Variants in SHANK2 observed in about 807,000 individuals in gnomAD.
The protein encoded by SHANK2 is SH3 and multiple ankyrin repeat domains 2.
A neutral mutation model predicts 133.7 loss-of-function variants in SHANK2; 43 were observed. The observed-to-expected ratio is 0.32, with a 90% CI of 0.25 to 0.41. SHANK2 has a LOEUF of 0.41. Among genes scored for constraint, SHANK2 ranks in the 10% least tolerant of loss-of-function variants. SHANK2 has a pLI of 1.00. For missense variants in SHANK2, 1,994 were observed against 2,235.8 expected, an observed-to-expected ratio of 0.89 and a Z score of 2.18; for synonymous variants, 1,017 against 952.8, an observed-to-expected ratio of 1.07 and a Z score of -1.24.
At position 70,502,747 on chromosome 11, in the gene SHANK2, C is replaced by CA. The variant is rs58352428; in HGVS notation, c.2197+48_2197+49insT. On this transcript the variant is annotated intron_variant, in intron 18 of 25. Coordinates refer to ENST00000601538, the MANE Select transcript of SHANK2 (RefSeq NM_012309.5). ...AGCTGTCCTGCCCGCCCCCACCCCCCCCCCCCAGTAGGGCCCCAGGCTGGA... is the reference window on the plus strand; with the variant it reads ...AGCTGTCCTGCCCGCCCCCACCCCCCACCCCCCAGTAGGGCCCCAGGCTGGA... The CA allele has an allele frequency of 1.9e-5, 17 of 907,668 alleles. 1 individual carries two copies. The highest frequency in any genetic ancestry group is 6.5e-5 in the South Asian group (4 of 61,810). The allele number at this position is 907,668 out of a possible 1,614,324, so 56.2% of individuals were successfully genotyped here. A position where few individuals can be genotyped will look rare whatever the true frequency, so the allele number is the denominator to read the frequency against.
chr11:70,530,706 G>C (rs559373307), intron 17 of SHANK2, among the ~76,000 whole-genome samples: 1 of 152,286 alleles, frequency 6.6e-6, no homozygotes, highest in African/African-American at 2.4e-5. Context: ...ACAGAAAGTA[G>C]AACAGTGGGT....
At position 70,830,156 on chromosome 11, in the gene SHANK2, C is replaced by A. The variant is rs557026569; in HGVS notation, c.1175-9474G>T. Among the ~76,000 whole-genome samples, 3 of 152,302 alleles carry A rather than the reference C, an allele frequency of 2.0e-5. No homozygotes were observed. The South Asian group carries it at 6.2e-4, about 32-fold the overall frequency. On this transcript the variant is annotated intron_variant, in intron 11 of 25. Transcript: ENST00000601538. This position sits in a 1 kb window ranked among gnomAD's most constrained non-coding sequence, Gnocchi z 4.4. ...GCAAACCTTTGTGCAGCCTCCAGGGCAGTTTTCATCTGGTGTCCCCATCCC... is the reference window on the plus strand; with the variant it reads ...GCAAACCTTTGTGCAGCCTCCAGGGAAGTTTTCATCTGGTGTCCCCATCCC...
rs1954396920 is a variant in SHANK2, at chr11:71,215,661, G to C, written c.-13+9036C>G. 3.9e-5 allele frequency among the ~76,000 whole-genome samples: 6 copies of C among 151,974 alleles called. No homozygotes were observed. In the South Asian group the frequency reaches 1.3e-3, roughly 32 times the overall value. The stretch of plus-strand genomic sequence containing the variant: ...CCGTGGCACAGTGGCTCCCACTCAG[G>C]GCCCTGCTAATGTCCTCGGACATCC... On this transcript the variant is annotated intron_variant, in intron 2 of 25. Coordinates refer to ENST00000601538, the MANE Select transcript of SHANK2 (RefSeq NM_012309.5).
chr11:70,640,592 G>A (rs548837211), intron 17 of SHANK2, among the ~76,000 whole-genome samples: 3 of 152,374 alleles, frequency 2.0e-5, no homozygotes, highest in East Asian at 1.9e-4. Context: ...AGGACTGCAC[G>A]AAGCTGAGGC....
intron 1 of SHANK2, among the ~76,000 whole-genome samples, chr11:71,250,364 C>T (rs1948158371): frequency 6.6e-6 from 1 of 152,154 alleles, no homozygotes; most frequent in Admixed American, 6.5e-5. Context: ...CAGTGCTTCC[C>T]AGGAGCTGAA....
At position 70,875,524 on chromosome 11, in the gene SHANK2, A is replaced by AAACAACAACAACAACAACAACAAC. The variant is rs71049946; in HGVS notation, c.1174+20953_1174+20976dup. ...GGGAGACAGAGTGAGACTCCGTCTC[A>AAACAACAACAACAACAACAACAAC]AACAACAACAACAACAACAACAACA... On this transcript the variant is annotated intron_variant, in intron 11 of 25. Coordinates refer to ENST00000601538, the MANE Select transcript of SHANK2 (RefSeq NM_012309.5). Among the ~76,000 whole-genome samples, 8 of 146,564 alleles carry AAACAACAACAACAACAACAACAAC rather than the reference A, an allele frequency of 5.5e-5. No individual in the cohort carries two copies. The East Asian group carries it at 1.5e-3, about 27-fold the overall frequency.
intron 11 of SHANK2, among the ~76,000 whole-genome samples, chr11:70,865,678 C>G (rs1351952565): frequency 6.6e-6 from 1 of 152,196 alleles, no homozygotes; most frequent in Admixed American, 6.5e-5. Flanking sequence ...CAAGGAGCCA[C>G]AGGACACTGC....
At chr11:71,152,302 C>A (rs1232847141) in intron 2 of SHANK2, among the ~76,000 whole-genome samples, 1 of 152,100 alleles carries the variant, frequency 6.6e-6, no homozygotes. Flanking sequence ...TTAGTAGAGA[C>A]GGGTTTTCAC....
intron 9 of SHANK2, among the ~76,000 whole-genome samples, chr11:71,071,656 TAGG>T (rs1359078266): frequency 1.0e-3 from 158 of 152,254 alleles, no homozygotes; most frequent in African/African-American, 3.8e-3. Context: ...GAAGGATGCA[TAGG>T]AGTTTTCCAG....
intron 2 of SHANK2, among the ~76,000 whole-genome samples, chr11:71,178,715 G>A (rs1953492675): frequency 6.6e-6 from 1 of 152,220 alleles, no homozygotes; most frequent in Non-Finnish European, 1.5e-5. Context: ...CAGGCGCGGT[G>A]ACTCACACCT....
intron 17 of SHANK2, among the ~76,000 whole-genome samples, chr11:70,540,346 G>A (rs981089628): frequency 1.0e-4 from 15 of 146,926 alleles, no homozygotes; most frequent in African/African-American, 3.8e-4. Context: ...TCAAGGGGAC[G>A]GCGTCTGAGA....
At chr11:70,878,220 C>G (rs74928102) in intron 11 of SHANK2, among the ~76,000 whole-genome samples, 1 of 152,172 alleles carries the variant, frequency 6.6e-6, no homozygotes, top group East Asian at 1.9e-4. Context: ...TCCTGCTGAG[C>G]TGGGATGCAG....
intron 2 of SHANK2, among the ~76,000 whole-genome samples, chr11:71,167,860 G>A (rs1283889357): frequency 6.9e-6 from 1 of 145,932 alleles, no homozygotes; most frequent in African/African-American, 2.6e-5. Context: ...TCAGTTCCCA[G>A]TAGGGGCGGC....
In SHANK2 at chr11:70,743,274, C is replaced by T. The variant is rs552046771; in HGVS notation, c.1778-44511G>A. ...CCCCCCCCAGTTCATATATTGGGGCCGAAATCCCCGGTGTGAGGGTGTCTG... is the reference window on the plus strand; with the variant it reads ...CCCCCCCCAGTTCATATATTGGGGCTGAAATCCCCGGTGTGAGGGTGTCTG... On this transcript the variant is annotated intron_variant, in intron 14 of 25. Transcript: ENST00000601538. Among the ~76,000 whole-genome samples the T allele has an allele frequency of 8.5e-5, 13 of 152,296 alleles. No individual in the cohort carries two copies. The South Asian group carries it at 1.9e-3, about 22-fold the overall frequency.
chr11:70,844,368 A>T (rs531627051), intron 11 of SHANK2, among the ~76,000 whole-genome samples: 1 of 152,208 alleles, frequency 6.6e-6, no homozygotes, highest in Admixed American at 6.5e-5. Context: ...GGGGCGGGGC[A>T]TGAAAATCTC....
chr11:70,579,440 C>T (rs1172413393), intron 17 of SHANK2, among the ~76,000 whole-genome samples: 5 of 152,210 alleles, frequency 3.3e-5, no homozygotes, highest in African/African-American at 9.7e-5. Context: ...CAGAAAGTGG[C>T]GCTTGCAGGC....
rs78660779 is a variant in SHANK2, at chr11:70,813,573, G to A, written c.1494-6402C>T. Among the ~76,000 whole-genome samples, 1,345 of 152,194 alleles carry A rather than the reference G, an allele frequency of 8.8e-3. 13 individuals are homozygous for A. Among genetic ancestry groups the A allele is most frequent in the African/African-American group, 0.03 (1,265 of 41,540 alleles). ...ACCTACTCAAGGTGGGTAGGTGGGT[G>A]TGTCTTCCAGGTTACGGCTCACGCA... On this transcript the variant is annotated intron_variant, in intron 12 of 25. Transcript: ENST00000601538.
At chr11:70,789,976 C>T (rs372670378) in intron 14 of SHANK2, among the ~76,000 whole-genome samples, 2 of 152,354 alleles carry the variant, frequency 1.3e-5, no homozygotes, top group South Asian at 2.1e-4. Flanking sequence ...ACAGAGAGCC[C>T]TGGCCTGACA....
At chr11:71,171,371 A>G (rs1267292200) in intron 2 of SHANK2, among the ~76,000 whole-genome samples, 1 of 152,206 alleles carries the variant, frequency 6.6e-6, no homozygotes, top group Non-Finnish European at 1.5e-5. Flanking sequence ...CTGAAGCCAA[A>G]GGCCAGAGCA....
Sources: allele counts gnomAD v4.1 joint callset (sites outside exome capture counted in the v4.1 genomes callset), GRCh38; gene constraint gnomAD v4.1.1; non-coding constraint Gnocchi (gnomAD v3.1); transcripts MANE v1.5; gene names NCBI Gene and HGNC (gene_info 2026-07-23, HGNC 2026-07-21).